CLYBL: variants seen among roughly 807,000 people sequenced by gnomAD.
CLYBL encodes the protein citramalyl-CoA lyase, mitochondrial.
Under a neutral mutation model 38.9 loss-of-function variants are expected in CLYBL, and 31 were observed. The observed-to-expected ratio is 0.80, with a 90% CI of 0.60 to 1.08. The LOEUF is 1.08. CLYBL is among the 50% of genes least tolerant of loss of function. The probability of loss-of-function intolerance (pLI) is 0.00; values close to 1 mark genes in which losing one functional copy is unlikely to be tolerated. For synonymous variants in CLYBL, 171 were observed against 158.6 expected, an observed-to-expected ratio of 1.08 and a Z score of -0.59; for missense variants, 434 against 411.6, an observed-to-expected ratio of 1.05 and a Z score of -0.47.
chr13:99,862,441 C>A (rs2051627297), intron 3 of CLYBL, among the ~76,000 whole-genome samples: 1 of 151,632 alleles, frequency 6.6e-6, no homozygotes, highest in Non-Finnish European at 1.5e-5. Flanking sequence ...CTTTGGTCTT[C>A]AAAGAATTAA....
intron 1 of CLYBL, among the ~76,000 whole-genome samples, chr13:99,702,968 C>G (rs1045655129): frequency 6.6e-6 from 1 of 152,194 alleles, no homozygotes; most frequent in African/African-American, 2.4e-5. Context: ...TCTTTGGTAC[C>G]TTTCGGAACC....
chr13:99,710,404 G>A (rs1380890237), intron 1 of CLYBL, among the ~76,000 whole-genome samples: 1 of 152,098 alleles, frequency 6.6e-6, no homozygotes, highest in East Asian at 1.9e-4. Flanking sequence ...GTGTTTCTCT[G>A]CCCCAGTGGA....
downstream of CLYBL, chr13:99,896,116 A>T (rs2052574620): frequency 1.3e-5 from 2 of 150,784 alleles, no homozygotes; most frequent in African/African-American, 2.4e-5. Flanking sequence ...AGGCCGGGCC[A>T]GGAGGAGTGT....
intron 2 of CLYBL, among the ~76,000 whole-genome samples, chr13:99,776,031 G>T (rs1390451788): frequency 6.6e-6 from 1 of 151,760 alleles, no homozygotes. Context: ...GGGCGTGGTG[G>T]CGGGCGCCTG....
intron 2 of CLYBL, among the ~76,000 whole-genome samples, chr13:99,831,532 A>G (rs554750118): frequency 6.6e-6 from 1 of 152,298 alleles, no homozygotes; most frequent in Non-Finnish European, 1.5e-5. Flanking sequence ...ACCTGCACAT[A>G]TATCCCGGAA....
chr13:99,671,793 A>AAT (rs10677584), intron 1 of CLYBL, among the ~76,000 whole-genome samples: 46,234 of 129,012 alleles, frequency 0.36, 7,757 homozygotes, highest in Non-Finnish European at 0.42. Flanking sequence ...AAAAAAAAAA[A>AAT]AATAATAAAA....
chr13:99,797,718 A>T (rs1792507867), intron 2 of CLYBL, among the ~76,000 whole-genome samples: 1 of 152,152 alleles, frequency 6.6e-6, no homozygotes, highest in African/African-American at 2.4e-5. Context: ...CATGTGTAGC[A>T]CGCCTGTGCA....
At chr13:99,862,935 T>C in intron 3 of CLYBL, 56 bp from the exon 4 acceptor site, 2 of 1,003,124 alleles carry the variant, frequency 2.0e-6, no homozygotes, top group East Asian at 2.5e-5. Context: ...TGGGTCTACA[T>C]TTCCGTGATT....
At chr13:99,905,948 A>G (rs2052693444) in intron 9 of CLYBL, among the ~76,000 whole-genome samples, 3 of 151,752 alleles carry the variant, frequency 2.0e-5, no homozygotes, top group Non-Finnish European at 4.4e-5. Flanking sequence ...TGATTTTTGT[A>G]TTTTTTGTAG....
intron 1 of CLYBL, among the ~76,000 whole-genome samples, chr13:99,693,393 T>C (rs1185399982): frequency 6.6e-6 from 1 of 152,106 alleles, no homozygotes; most frequent in Admixed American, 6.5e-5. Context: ...ACACAGGCTT[T>C]CTCTTTCTCT....
rs1170628577 is a variant in CLYBL, at chr13:99,884,070, C to T, written c.928-7248C>T. On this transcript the variant is annotated intron_variant, in intron 7 of 8. Transcript: ENST00000339105. ...GGAGTGCAGTGGTGTGATCACAGCTCACTGCAGCCTTGACCAGGCTCAAGC... is the reference window on the plus strand; with the variant it reads ...GGAGTGCAGTGGTGTGATCACAGCTTACTGCAGCCTTGACCAGGCTCAAGC... Among the ~76,000 whole-genome samples, 7 of 152,196 alleles carry T rather than the reference C, an allele frequency of 4.6e-5. No individual in the cohort carries two copies. The East Asian group carries it at 1.3e-3, about 29-fold the overall frequency.
At chr13:99,859,383 C>T (rs997236063) in intron 3 of CLYBL, among the ~76,000 whole-genome samples, 12 of 152,282 alleles carry the variant, frequency 7.9e-5, no homozygotes, top group South Asian at 2.1e-4. Context: ...CCACCCTGCC[C>T]GGCCCTAAGC....
At chr13:99,655,616 A>G (rs572739200) in intron 1 of CLYBL, among the ~76,000 whole-genome samples, 6 of 152,304 alleles carry the variant, frequency 3.9e-5, no homozygotes, top group African/African-American at 1.4e-4. Context: ...ACTAAATAAC[A>G]CATTGGTGGC....
At chr13:99,677,843 A>G (rs561544603) in intron 1 of CLYBL, among the ~76,000 whole-genome samples, 56 of 152,352 alleles carry the variant, frequency 3.7e-4, no homozygotes, top group African/African-American at 1.1e-3. Context: ...TCGGGTTTCA[A>G]TCATCACTGC....
chr13:99,895,462 T>C (rs1480837976), downstream of CLYBL: 2 of 152,210 alleles, frequency 1.3e-5, no homozygotes, highest in Non-Finnish European at 2.9e-5. Flanking sequence ...CCAGCTCGTC[T>C]TCGCGGGGAG....
At chr13:99,807,976 C>A (rs1015592423) in intron 2 of CLYBL, among the ~76,000 whole-genome samples, 4 of 152,156 alleles carry the variant, frequency 2.6e-5, no homozygotes, top group Admixed American at 2.6e-4. Context: ...GTAGTTTAGA[C>A]CCAAGAAAAC....
At chr13:99,855,801 C>G (rs1468639832) in intron 2 of CLYBL, among the ~76,000 whole-genome samples, 1 of 151,892 alleles carries the variant, frequency 6.6e-6, no homozygotes, top group African/African-American at 2.4e-5. Context: ...AAAAAAAATT[C>G]AACATGCTCG....
At chr13:99,909,046 C>T (rs1230441666) in exon 10 of CLYBL, among the ~76,000 whole-genome samples, 1 of 152,178 alleles carries the variant, frequency 6.6e-6, no homozygotes, top group Non-Finnish European at 1.5e-5. Context: ...GTAGTCATGT[C>T]CAGCTCTTCC....
At position 99,801,439 on chromosome 13, in the gene CLYBL, A is replaced by ATT. The variant is rs35178164; in HGVS notation, c.249+28438_249+28439dup. ...TATTGCCATTTCAGTAGACAGTTGGATTTTTTTTTTATCAGCCTGAATGTG... is the reference window on the plus strand; with the variant it reads ...TATTGCCATTTCAGTAGACAGTTGGATTTTTTTTTTTTATCAGCCTGAATGTG... On this transcript the variant is annotated intron_variant, in intron 2 of 8. Transcript: ENST00000339105. 2.8e-3 allele frequency among the ~76,000 whole-genome samples: 419 copies of ATT among 150,452 alleles called. 4 individuals carry two copies. Among genetic ancestry groups the ATT allele is most frequent in the South Asian group, 0.025 (120 of 4,750 alleles).
Sources: gnomAD v4.1 joint callset for allele counts (sites outside exome capture counted in the v4.1 genomes callset) on GRCh38, gnomAD v4.1.1 for gene constraint, MANE v1.5 for transcripts, NCBI Gene and HGNC (gene_info 2026-07-23, HGNC 2026-07-21) for gene names.